Variants in ATP8A2 observed in about 807,000 individuals in gnomAD.
The protein encoded by ATP8A2 is ATPase phospholipid transporting 8A2.
In ATP8A2, 100 loss-of-function variants were observed where a neutral mutation model predicts 165.6. The observed-to-expected ratio is 0.60, with a 90% CI of 0.51 to 0.71. The LOEUF (loss-of-function observed/expected upper bound fraction) is 0.71, where lower values mean the gene tolerates loss of function less well. ATP8A2 is among the 30% of genes least tolerant of loss of function. ATP8A2 has a pLI of 0.00. For missense variants in ATP8A2, 1,227 were observed against 1,479.5 expected (o/e 0.83, Z 2.80); for synonymous variants, 543 against 548.8 (o/e 0.99, Z 0.15).
intron 2 of ATP8A2, among the ~76,000 whole-genome samples, chr13:25,510,174 AACACACACACACACACACACAC>A (rs57755000): frequency 7.8e-6 from 1 of 128,602 alleles, no homozygotes; most frequent in Admixed American, 8.0e-5. Flanking sequence ...GTCTGTCTGT[AACACACACACACACACACACAC>A]ACACACACAC....
At chr13:25,523,106 A>G (rs1337355859) in intron 2 of ATP8A2, among the ~76,000 whole-genome samples, 1 of 151,152 alleles carries the variant, frequency 6.6e-6, no homozygotes, top group Non-Finnish European at 1.5e-5. Flanking sequence ...CAACAGGGCT[A>G]GACTCTGTCT....
chr13:25,872,049 C>T (rs1383043250), intron 33 of ATP8A2, among the ~76,000 whole-genome samples: 1 of 110,262 alleles, frequency 9.1e-6, no homozygotes, highest in African/African-American at 3.5e-5. Flanking sequence ...CCATTCCCCT[C>T]ACCCCCCCGC....
intron 25 of ATP8A2, among the ~76,000 whole-genome samples, chr13:25,748,782 G>A (rs1300160485): frequency 2.6e-5 from 4 of 152,128 alleles, no homozygotes; most frequent in African/African-American, 9.7e-5. Flanking sequence ...CTTGTGACCC[G>A]CTTACATTTG....
chr13:25,786,728 T>C (rs1254161830), intron 27 of ATP8A2, among the ~76,000 whole-genome samples: 1 of 151,176 alleles, frequency 6.6e-6, no homozygotes, highest in African/African-American at 2.4e-5. Context: ...GGAGTAAAAT[T>C]AACCCTTTTT....
intron 1 of ATP8A2, among the ~76,000 whole-genome samples, chr13:25,450,618 G>A (rs530965205): frequency 3.3e-5 from 5 of 151,890 alleles, no homozygotes; most frequent in South Asian, 4.2e-4. Context: ...TGCAAGCTCC[G>A]CCTCCCGGGT....
intron 24 of ATP8A2, among the ~76,000 whole-genome samples, chr13:25,627,198 G>A (rs570292717): frequency 6.6e-6 from 1 of 152,072 alleles, no homozygotes; most frequent in Non-Finnish European, 1.5e-5. Context: ...ATGCAAATCC[G>A]CCAAGGTGGT....
chr13:25,791,797 G>C (rs2045186341), intron 27 of ATP8A2, among the ~76,000 whole-genome samples: 1 of 152,160 alleles, frequency 6.6e-6, no homozygotes, highest in Non-Finnish European at 1.5e-5. Context: ...GTTAATATTT[G>C]TTGATCCGAA....
chr13:25,549,732 G>A (rs891263145), intron 10 of ATP8A2, among the ~76,000 whole-genome samples: 1 of 151,970 alleles, frequency 6.6e-6, no homozygotes, highest in Admixed American at 6.6e-5. Flanking sequence ...GAGTTATTGT[G>A]CTGCAGTTCT....
intron 10 of ATP8A2, among the ~76,000 whole-genome samples, chr13:25,548,241 CAAACA>C (rs2038713649): frequency 6.6e-6 from 1 of 152,018 alleles, no homozygotes; most frequent in Non-Finnish European, 1.5e-5. Context: ...AACAAACAAA[CAAACA>C]AAACAAAAGA....
intron 2 of ATP8A2, among the ~76,000 whole-genome samples, chr13:25,497,868 A>G (rs1187229073): frequency 6.6e-6 from 1 of 152,144 alleles, no homozygotes; most frequent in South Asian, 2.1e-4. Flanking sequence ...GGGCTGAGGC[A>G]GGAGAATGGC....
intron 1 of ATP8A2, among the ~76,000 whole-genome samples, chr13:25,398,550 C>T (rs1329680262): frequency 6.6e-6 from 1 of 152,176 alleles, no homozygotes; most frequent in Non-Finnish European, 1.5e-5. Flanking sequence ...TGTGGGCCAT[C>T]TGGTGCATGG....
chr13:25,899,603 G>A (rs771555846), intron 33 of ATP8A2, among the ~76,000 whole-genome samples: 7 of 152,230 alleles, frequency 4.6e-5, no homozygotes, highest in Middle Eastern at 3.4e-3. Context: ...GGTGGTGTCC[G>A]CACCAGGGGA....
At chr13:25,874,759 T>C (rs2138824161) in intron 33 of ATP8A2, among the ~76,000 whole-genome samples, 1 of 152,238 alleles carries the variant, frequency 6.6e-6, no homozygotes, top group Non-Finnish European at 1.5e-5. Flanking sequence ...AAAAGATAAT[T>C]GCACACTCAT....
intron 17 of ATP8A2, among the ~76,000 whole-genome samples, 166 bp downstream of exon 17, chr13:25,571,038 G>T (rs560734704): frequency 2.8e-4 from 42 of 152,318 alleles, no homozygotes; most frequent in Admixed American, 2.5e-3. Flanking sequence ...GCCGTAGAGA[G>T]CCCGGGATGG....
intron 10 of ATP8A2, among the ~76,000 whole-genome samples, chr13:25,548,813 A>G (rs1359353345): frequency 6.6e-6 from 1 of 152,232 alleles, no homozygotes; most frequent in Admixed American, 6.5e-5. Context: ...GCTTTTCAAA[A>G]TCACCAGTAC....
At chr13:25,907,914 C>A (rs1449004310) in intron 33 of ATP8A2, among the ~76,000 whole-genome samples, 1 of 152,198 alleles carries the variant, frequency 6.6e-6, no homozygotes, top group Admixed American at 6.5e-5. Context: ...ATACAGCCAA[C>A]TCTACGAGGA....
chr13:25,530,241 C>T, intron 3 of ATP8A2, 143 bp downstream of exon 3: 1 of 628,114 alleles, frequency 1.6e-6, no homozygotes, highest in East Asian at 2.7e-5. Context: ...ATAGAGTGAA[C>T]AAGCCTGACT....
intron 25 of ATP8A2, among the ~76,000 whole-genome samples, chr13:25,720,352 C>T (rs948758061): frequency 3.3e-5 from 5 of 151,664 alleles, no homozygotes; most frequent in South Asian, 2.1e-4. Flanking sequence ...TTAGTAGAGA[C>T]GGGGTTTCAC....
chr13:25,781,903 T>A (rs2044889709), intron 27 of ATP8A2, among the ~76,000 whole-genome samples: 1 of 152,232 alleles, frequency 6.6e-6, no homozygotes, highest in African/African-American at 2.4e-5. Context: ...TGCACGGAGA[T>A]GCTATGCACT....
Sources: gnomAD v4.1 joint callset for allele counts (sites outside exome capture counted in the v4.1 genomes callset) on GRCh38, gnomAD v4.1.1 for gene constraint, MANE v1.5 for transcripts, NCBI Gene and HGNC (gene_info 2026-07-23, HGNC 2026-07-21) for gene names.